Variants in SH3GL3 observed in about 807,000 individuals in gnomAD.
SH3GL3 encodes SH3 domain containing GRB2 like 3, endophilin A3.
A neutral mutation model predicts 47.7 loss-of-function variants in SH3GL3; 33 were observed. The observed-to-expected ratio is 0.69, with a 90% CI of 0.52 to 0.92. SH3GL3 has a LOEUF of 0.92. Ranked by LOEUF, SH3GL3 falls within the 40% of genes least tolerant of loss-of-function variation. SH3GL3 has a pLI of 0.00. For missense variants in SH3GL3, 363 were observed against 417.8 expected (o/e 0.87, Z 1.14); for synonymous variants, 155 against 148.8 (o/e 1.04, Z -0.30).
intron 1 of SH3GL3, among the ~76,000 whole-genome samples, chr15:83,484,434 T>C (rs1433089033): frequency 2.6e-5 from 4 of 152,234 alleles, no homozygotes; most frequent in Non-Finnish European, 5.9e-5. Flanking sequence ...GTTTGGATCA[T>C]AGTTATGCCA....
chr15:83,558,501 GTA>G (rs34575912), intron 1 of SH3GL3, among the ~76,000 whole-genome samples: 128,219 of 150,608 alleles, frequency 0.85, 55,177 homozygotes, highest in Admixed American at 0.9. Context: ...GTGTGTGTGT[GTA>G]TATGTGTGTG....
chr15:83,485,924 A>G (rs1031312967), intron 1 of SH3GL3, among the ~76,000 whole-genome samples: 1 of 152,226 alleles, frequency 6.6e-6, no homozygotes, highest in Admixed American at 6.5e-5. Flanking sequence ...ACATAGATTA[A>G]CAGGTATTAA....
chr15:83,616,321 T>C (rs1407558999), intron 8 of SH3GL3, among the ~76,000 whole-genome samples: 3 of 150,338 alleles, frequency 2.0e-5, no homozygotes, highest in Non-Finnish European at 4.4e-5. Context: ...GGCGCGATCT[T>C]GGCTCACTGC....
At chr15:83,597,362 C>T (rs557662883) in intron 8 of SH3GL3, among the ~76,000 whole-genome samples, 1 of 152,270 alleles carries the variant, frequency 6.6e-6, no homozygotes, top group Admixed American at 6.5e-5. Flanking sequence ...GGGTAACCTC[C>T]CCATCTCAAA....
At chr15:83,572,530 C>T in intron 4 of SH3GL3, 35 bp from the exon 5 acceptor site, 2 of 1,589,526 alleles carry the variant, frequency 1.3e-6, no homozygotes, top group Non-Finnish European at 1.7e-6. Context: ...GTAGTGTTCC[C>T]AAAGAACCTT....
the SH3GL3 span, among the ~76,000 whole-genome samples, chr15:83,627,276 A>C: frequency 6.6e-6 from 1 of 152,012 alleles, no homozygotes; most frequent in African/African-American, 2.4e-5. Flanking sequence ...GGGCACCTGT[A>C]GTCCAAGCTA....
intron 8 of SH3GL3, among the ~76,000 whole-genome samples, chr15:83,611,752 T>C (rs2060672339): frequency 6.6e-6 from 1 of 152,132 alleles, no homozygotes; most frequent in Non-Finnish European, 1.5e-5. Flanking sequence ...TGGCTTCTGA[T>C]GGTGGGAAAC....
intron 8 of SH3GL3, among the ~76,000 whole-genome samples, chr15:83,612,938 A>C (rs551109638): frequency 3.4e-4 from 52 of 152,338 alleles, no homozygotes; most frequent in African/African-American, 1.2e-3. Context: ...ACAATGTTTC[A>C]CAACTGAAAT....
chr15:83,622,545 T>A (rs1441437607), downstream of SH3GL3, among the ~76,000 whole-genome samples: 3 of 152,252 alleles, frequency 2.0e-5, no homozygotes, highest in Non-Finnish European at 2.9e-5. Flanking sequence ...TTACATCGGA[T>A]TACTGACATG....
At chr15:83,537,116 A>G (rs577072992) in intron 1 of SH3GL3, among the ~76,000 whole-genome samples, 5 of 152,282 alleles carry the variant, frequency 3.3e-5, no homozygotes, top group African/African-American at 1.2e-4. Context: ...GTCAGTGGCC[A>G]AGGGGGACTC....
chr15:83,610,284 T>C (rs554260292), intron 8 of SH3GL3, among the ~76,000 whole-genome samples: 6 of 152,282 alleles, frequency 3.9e-5, no homozygotes, highest in Admixed American at 2.6e-4. Flanking sequence ...TGCCTGTAAT[T>C]CCATCACTTT....
At chr15:83,510,010 T>C (rs2042681281) in intron 1 of SH3GL3, among the ~76,000 whole-genome samples, 1 of 152,152 alleles carries the variant, frequency 6.6e-6, no homozygotes, top group Non-Finnish European at 1.5e-5. Context: ...TCGAAGCGAA[T>C]ATATTAATGT....
At chr15:83,508,073 C>T (rs528631768) in intron 1 of SH3GL3, among the ~76,000 whole-genome samples, 2 of 152,020 alleles carry the variant, frequency 1.3e-5, no homozygotes, top group African/African-American at 4.8e-5. Flanking sequence ...TCCGGAGTAG[C>T]TGGGACTACA....
chr15:83,598,749 G>T (rs1461753108), intron 8 of SH3GL3, among the ~76,000 whole-genome samples: 2 of 152,252 alleles, frequency 1.3e-5, no homozygotes, highest in East Asian at 3.9e-4. Flanking sequence ...TTTTGTGCTG[G>T]AGTATTTTTA....
chr15:83,506,552 G>A (rs1302286523), intron 1 of SH3GL3, among the ~76,000 whole-genome samples: 5 of 151,972 alleles, frequency 3.3e-5, no homozygotes. Context: ...TTACATTTTT[G>A]TTTTCTAGAT....
At chr15:83,623,577 T>C (rs1006424233), downstream of SH3GL3, among the ~76,000 whole-genome samples, 2 of 152,196 alleles carry the variant, frequency 1.3e-5, no homozygotes, top group Admixed American at 6.5e-5. Flanking sequence ...TCTCACAGGC[T>C]GCGCCTGCTA....
intron 6 of SH3GL3, among the ~76,000 whole-genome samples, chr15:83,579,495 C>G (rs1039889895): frequency 1.3e-5 from 2 of 152,222 alleles, no homozygotes; most frequent in African/African-American, 2.4e-5. Flanking sequence ...GAACTAGGCT[C>G]TTCCCTCCTT....
At chr15:83,489,272 C>T (rs1214537681) in intron 1 of SH3GL3, 1 of 152,146 alleles carries the variant, frequency 6.6e-6, no homozygotes, top group Non-Finnish European at 1.5e-5. Context: ...AATACCTACA[C>T]GTGAAGAAAA....
At chr15:83,521,974 G>A (rs1446856547) in intron 1 of SH3GL3, among the ~76,000 whole-genome samples, 1 of 152,108 alleles carries the variant, frequency 6.6e-6, no homozygotes, top group Non-Finnish European at 1.5e-5. Flanking sequence ...TTTTCCTATT[G>A]CTGGAATAGT....
Sources: allele counts gnomAD v4.1 joint callset (sites outside exome capture counted in the v4.1 genomes callset), GRCh38; gene constraint gnomAD v4.1.1; transcripts MANE v1.5; gene names NCBI Gene and HGNC (gene_info 2026-07-23, HGNC 2026-07-21).